FAM185A: variants seen among roughly 807,000 people sequenced by gnomAD.
FAM185A encodes the protein family with sequence similarity 185 member A, also known as protein FAM185A.
Under a neutral mutation model 45.7 loss-of-function variants are expected in FAM185A, and 21 were observed. The observed-to-expected ratio is 0.46, with a 90% CI of 0.33 to 0.66. FAM185A has a LOEUF of 0.66. Among genes scored for constraint, FAM185A ranks in the 30% least tolerant of loss-of-function variants. FAM185A has a pLI of 0.03. For synonymous variants in FAM185A, 117 were observed against 194.0 expected, an observed-to-expected ratio of 0.60 and a Z score of 3.30; for missense variants, 305 against 485.4, an observed-to-expected ratio of 0.63 and a Z score of 3.49.
chr7:102,793,451 C>T (rs1431531331), intron 7 of FAM185A, among the ~76,000 whole-genome samples: 18 of 152,008 alleles, frequency 1.2e-4, no homozygotes, highest in Non-Finnish European at 1.8e-4. Context: ...CCTCGTGATC[C>T]GCCCACCTCG....
chr7:102,836,996 G>A, the FAM185A span, among the ~76,000 whole-genome samples: 1 of 152,192 alleles, frequency 6.6e-6, no homozygotes, highest in Non-Finnish European at 1.5e-5. Context: ...GTGCTGTCAA[G>A]AACCATTTTC....
chr7:102,786,818 T>G (rs1012078439), intron 6 of FAM185A, among the ~76,000 whole-genome samples: 1 of 127,964 alleles, frequency 7.8e-6, no homozygotes, highest in African/African-American at 3.6e-5. Context: ...CCCTAAAACT[T>G]AAAGTATAAT....
chr7:102,841,967 G>C, the FAM185A span, among the ~76,000 whole-genome samples: 1 of 152,178 alleles, frequency 6.6e-6, no homozygotes, highest in African/African-American at 2.4e-5. Context: ...TTCTACCAGA[G>C]GAATTCCTTA....
intron 6 of FAM185A, among the ~76,000 whole-genome samples, chr7:102,786,609 A>G (rs1325680066): frequency 3.9e-5 from 6 of 152,180 alleles, no homozygotes; most frequent in Non-Finnish European, 5.9e-5. Flanking sequence ...GTTCTCACTG[A>G]TAGGTGGGAA....
chr7:102,813,133 C>T, downstream of FAM185A: 7 of 550,168 alleles, frequency 1.3e-5, no homozygotes, highest in South Asian at 1.8e-4. Context: ...AGCCACCGCT[C>T]CTGGCCTGGC....
chr7:102,834,202 A>T, the FAM185A span, among the ~76,000 whole-genome samples: 2 of 151,224 alleles, frequency 1.3e-5, no homozygotes, highest in African/African-American at 4.8e-5. Flanking sequence ...GAGAATTATT[A>T]TAATTATCTA....
At chr7:102,832,505 C>A in the FAM185A span, among the ~76,000 whole-genome samples, 1 of 152,234 alleles carries the variant, frequency 6.6e-6, no homozygotes, top group South Asian at 2.1e-4. Flanking sequence ...CTTAATGCAA[C>A]ATTCTTTCAT....
chr7:102,766,630 T>C (rs1396856060), intron 4 of FAM185A, among the ~76,000 whole-genome samples: 1 of 151,926 alleles, frequency 6.6e-6, no homozygotes, highest in Non-Finnish European at 1.5e-5. Flanking sequence ...ACAGAATCTT[T>C]TATTGGATTA....
rs1450294478 is a variant in FAM185A, at chr7:102,777,355, G to A, written c.931+7G>A. On this transcript the variant is annotated splice_region_variant and intron_variant, in intron 6 of 7. Transcript: ENST00000413034. ...GAATTGAAATCCCATAAAGGTTAGTGAACTGGAATGTTTTATTTTGACATA... is the reference window on the plus strand; with the variant it reads ...GAATTGAAATCCCATAAAGGTTAGTAAACTGGAATGTTTTATTTTGACATA... 6.7e-7 allele frequency: 1 copy of A among 1,493,916 alleles called. No individual in the cohort carries two copies. The highest frequency in any genetic ancestry group is 9.0e-7 in the Non-Finnish European group (1 of 1,112,678). 92.5% of individuals were successfully genotyped at this position (1,493,916 alleles called of 1,614,324 possible). A position where few individuals can be genotyped will look rare whatever the true frequency, so the allele number is the denominator to read the frequency against.
the FAM185A span, among the ~76,000 whole-genome samples, chr7:102,825,422 G>A: frequency 6.6e-6 from 1 of 152,174 alleles, no homozygotes; most frequent in Admixed American, 6.5e-5. Flanking sequence ...TTGGAATTCT[G>A]CAGAGAGTCC....
At chr7:102,811,166 T>C (rs1429068704), downstream of FAM185A, among the ~76,000 whole-genome samples, 2 of 152,144 alleles carry the variant, frequency 1.3e-5, no homozygotes, top group African/African-American at 2.4e-5. Context: ...TAAAAATAAA[T>C]TAGCTAACCA....
At chr7:102,846,241 T>G in the FAM185A span, among the ~76,000 whole-genome samples, 1 of 152,196 alleles carries the variant, frequency 6.6e-6, no homozygotes, top group Non-Finnish European at 1.5e-5. Flanking sequence ...AACAAACAGA[T>G]TATCCATGTC....
chr7:102,764,847 T>C (rs760989975), intron 4 of FAM185A, among the ~76,000 whole-genome samples: 2 of 152,052 alleles, frequency 1.3e-5, no homozygotes, highest in Non-Finnish European at 2.9e-5. Context: ...ATCCAACATA[T>C]AGATGTTGTA....
the FAM185A span, among the ~76,000 whole-genome samples, chr7:102,846,112 A>C: frequency 6.6e-6 from 1 of 152,258 alleles, no homozygotes; most frequent in Non-Finnish European, 1.5e-5. Context: ...TAAGGGCTAA[A>C]TTGATATTAG....
At chr7:102,780,523 C>T (rs1795337136) in intron 6 of FAM185A, among the ~76,000 whole-genome samples, 1 of 152,096 alleles carries the variant, frequency 6.6e-6, no homozygotes, top group Non-Finnish European at 1.5e-5. Flanking sequence ...TTCAAATAAT[C>T]CTTTTCTATT....
At position 102,751,718 on chromosome 7, in the gene FAM185A, G is replaced by T; in HGVS notation, c.478G>T (p.Gly160Cys). The T allele has an allele frequency of 6.4e-7, 1 of 1,551,174 alleles. No homozygotes were observed. ...FGLDIKSSGS[G>C]CVKVQSIEGD... is the part of the protein sequence containing the mutation. The stretch of plus-strand genomic sequence containing the variant: ...TTTAGATATCAAGTCATCAGGGTCT[G>T]GCTGTGTAAAAGTTCAAAGTATTGA... Residue 160 changes from glycine to cysteine, a missense_variant, in exon 2 of 8, where the codon GGC becomes TGC. By Grantham distance (159) the Gly-to-Cys change is radical. Transcript: ENST00000413034.
chr7:102,839,714 G>A, the FAM185A span, among the ~76,000 whole-genome samples: 1 of 152,128 alleles, frequency 6.6e-6, no homozygotes, highest in Non-Finnish European at 1.5e-5. Context: ...CCAAAGTGCT[G>A]GGATTACACA....
chr7:102,789,677 C>A (rs1362283494), intron 7 of FAM185A, among the ~76,000 whole-genome samples: 2 of 152,240 alleles, frequency 1.3e-5, no homozygotes, highest in African/African-American at 4.8e-5. Context: ...CCACTGCCCT[C>A]CAGTCTGAGC....
At chr7:102,759,501 CATAAA>C (rs1212434866) in intron 3 of FAM185A, among the ~76,000 whole-genome samples, 5 of 151,632 alleles carry the variant, frequency 3.3e-5, no homozygotes, top group South Asian at 4.1e-4. Context: ...TTTTATAAAA[CATAAA>C]ATAAATACTT....
Sources: allele counts gnomAD v4.1 joint callset (sites outside exome capture counted in the v4.1 genomes callset), GRCh38; gene constraint gnomAD v4.1.1; transcripts MANE v1.5; gene names NCBI Gene and HGNC (gene_info 2026-07-23, HGNC 2026-07-21).